The following ATRN variants were observed in gnomAD, a reference collection of about 807,000 sequenced individuals.
ATRN encodes attractin, also known as attractin-2.
In ATRN, 54 loss-of-function variants were observed where a neutral mutation model predicts 178.7. That is an observed-to-expected ratio of 0.30 (90% CI 0.24 to 0.38). The LOEUF is 0.38. Ranked by LOEUF, ATRN falls within the 10% of genes least tolerant of loss-of-function variation. ATRN has a pLI of 1.00. For synonymous variants in ATRN, 636 were observed against 663.0 expected (o/e 0.96, Z 0.63); for missense variants, 1,443 against 1,815.1 (o/e 0.79, Z 3.73).
chr20:3,507,159 C>T (rs538581964), intron 1 of ATRN, among the ~76,000 whole-genome samples: 1 of 151,724 alleles, frequency 6.6e-6, no homozygotes, highest in South Asian at 2.1e-4. Flanking sequence ...GTAATCCCAG[C>T]ATTTTGGGAG....
intron 24 of ATRN, among the ~76,000 whole-genome samples, chr20:3,614,676 A>C (rs528655900): frequency 6.6e-6 from 1 of 152,314 alleles, no homozygotes; most frequent in South Asian, 2.1e-4. Flanking sequence ...TCGCTCATTT[A>C]AAGTACACAA....
At chr20:3,601,489 A>G (rs1196287068) in intron 23 of ATRN, among the ~76,000 whole-genome samples, 1 of 152,186 alleles carries the variant, frequency 6.6e-6, no homozygotes, top group Non-Finnish European at 1.5e-5. Context: ...TGGGAATTAC[A>G]TCAAGCTCTA....
intron 1 of ATRN, among the ~76,000 whole-genome samples, chr20:3,506,602 G>A (rs1420328063): frequency 1.3e-5 from 2 of 150,660 alleles, no homozygotes; most frequent in Non-Finnish European, 2.9e-5. Flanking sequence ...TCCAGCCTGG[G>A]TGACCAAGTG....
intron 8 of ATRN, 34 bp downstream of exon 8, chr20:3,560,939 A>G: frequency 3.1e-6 from 5 of 1,606,578 alleles, no homozygotes; most frequent in East Asian, 4.5e-5. Flanking sequence ...TGCCTTTTGA[A>G]CATCAGATTT....
intron 1 of ATRN, among the ~76,000 whole-genome samples, chr20:3,525,351 A>G (rs1289563524): frequency 6.6e-6 from 1 of 152,236 alleles, no homozygotes; most frequent in African/African-American, 2.4e-5. Context: ...TAAACGAGGG[A>G]AAAGTTGAAT....
At chr20:3,584,616 A>G in intron 17 of ATRN, 31 bp from the exon 18 acceptor site, 2 of 1,514,338 alleles carry the variant, frequency 1.3e-6, no homozygotes, top group Middle Eastern at 1.7e-4. Flanking sequence ...TCTACCTGTG[A>G]TAGTCAATTG....
intron 24 of ATRN, among the ~76,000 whole-genome samples, chr20:3,609,749 TGTATAAA>T (rs2086736372): frequency 6.7e-6 from 1 of 149,930 alleles, no homozygotes; most frequent in East Asian, 1.9e-4. Flanking sequence ...TGTGTGTGTG[TGTATAAA>T]ATAAAATGTT....
intron 2 of ATRN, among the ~76,000 whole-genome samples, chr20:3,537,461 A>G (rs1344571326): frequency 2.0e-5 from 3 of 151,790 alleles, no homozygotes; most frequent in Non-Finnish European, 4.4e-5. Context: ...TCTATTAAGC[A>G]AAAGAAGTGT....
At chr20:3,556,998 T>G (rs549374670) in intron 6 of ATRN, among the ~76,000 whole-genome samples, 1 of 152,316 alleles carries the variant, frequency 6.6e-6, no homozygotes, top group African/African-American at 2.4e-5. Flanking sequence ...GGAGACCTGT[T>G]TCTGTCCTTC....
intron 14 of ATRN, 128 bp downstream of exon 14, chr20:3,577,125 G>A (rs1274672977): frequency 8.7e-6 from 10 of 1,153,434 alleles, no homozygotes; most frequent in African/African-American, 6.2e-5. Context: ...TCCCCCACAC[G>A]AGTATTATGG....
At chr20:3,575,768 G>A in intron 12 of ATRN, 59 bp from the exon 13 acceptor site, 7 of 1,512,792 alleles carry the variant, frequency 4.6e-6, no homozygotes, top group Non-Finnish European at 6.2e-6. Context: ...TTTAACTTCG[G>A]TCTCAGATTT....
At chr20:3,592,597 C>T (rs1190701745) in intron 19 of ATRN, 2 of 610,948 alleles carry the variant, frequency 3.3e-6, no homozygotes, top group Admixed American at 6.3e-5. Flanking sequence ...AAGTTCTGAG[C>T]AGGAAAAGTA....
intron 1 of ATRN, among the ~76,000 whole-genome samples, chr20:3,485,595 A>G (rs2084679014): frequency 1.5e-5 from 2 of 130,314 alleles, no homozygotes; most frequent in African/African-American, 6.2e-5. Flanking sequence ...TGGTTTGCCA[A>G]TACATTTTTT....
At chr20:3,545,707 A>G (rs938092236) in intron 3 of ATRN, 55 bp from the exon 4 acceptor site, 10 of 1,576,588 alleles carry the variant, frequency 6.3e-6, no homozygotes, top group African/African-American at 4.1e-5. Flanking sequence ...GTCTGCTACA[A>G]TTTGACATGT....
rs552845773 is a variant in ATRN at position 3,562,762 on chromosome 20, CAT to C, written c.1631+304_1631+305del. 3.9e-3 allele frequency among the ~76,000 whole-genome samples: 589 copies of C among 152,286 alleles called. 2 individuals are homozygous for C. The highest frequency in any genetic ancestry group is 6.1e-3 in the Non-Finnish European group (417 of 68,016). On this transcript the variant is annotated intron_variant, in intron 9 of 28. Coordinates refer to ENST00000262919, the MANE Select transcript of ATRN (RefSeq NM_139321.3). Reference sequence around the variant, plus strand: ...CGATGGTTTCTCCTCTTTTTCCTCACATGTTTGATACCTTGCTATGGGTACTG... The same window carrying C: ...CGATGGTTTCTCCTCTTTTTCCTCACGTTTGATACCTTGCTATGGGTACTG...
intron 21 of ATRN, 130 bp downstream of exon 21, chr20:3,596,559 T>C: frequency 2.4e-6 from 2 of 822,966 alleles, no homozygotes; most frequent in South Asian, 1.6e-5. Flanking sequence ...CCAGACTTGA[T>C]ATGTTTACAT....
At chr20:3,633,060 G>A (rs930810622) in intron 25 of ATRN, among the ~76,000 whole-genome samples, 8 of 152,168 alleles carry the variant, frequency 5.3e-5, no homozygotes, top group Non-Finnish European at 7.4e-5. Context: ...GCTTGAACCT[G>A]GGAGGCAGAG....
intron 24 of ATRN, among the ~76,000 whole-genome samples, chr20:3,619,110 C>T (rs943649745): frequency 6.6e-6 from 1 of 152,190 alleles, no homozygotes; most frequent in Admixed American, 6.5e-5. Context: ...TACATACATA[C>T]CTTGCGTTTT....
At chr20:3,512,108 T>TATATATATATATATA (rs1491340714) in intron 1 of ATRN, among the ~76,000 whole-genome samples, 4 of 100,744 alleles carry the variant, frequency 4.0e-5, no homozygotes, top group Admixed American at 1.9e-4. Flanking sequence ...TATATATATA[T>TATATATATATATATA]TTTTTTTTTT....
Sources: gnomAD v4.1 joint callset for allele counts (sites outside exome capture counted in the v4.1 genomes callset) on GRCh38, gnomAD v4.1.1 for gene constraint, MANE v1.5 for transcripts, NCBI Gene and HGNC (gene_info 2026-07-23, HGNC 2026-07-21) for gene names.